Variants in UNC13C observed in about 807,000 individuals in gnomAD.
UNC13C encodes protein unc-13 homolog C.
A neutral mutation model predicts 245.4 loss-of-function variants in UNC13C; 174 were observed. The ratio of observed to expected loss-of-function variants is 0.71; its 90% CI spans 0.63 to 0.80. UNC13C has a LOEUF of 0.80. UNC13C is among the 30% of genes least tolerant of loss of function. The pLI, the probability that UNC13C is intolerant of heterozygous loss-of-function variation, is 0.00. For missense variants in UNC13C, 2,829 were observed against 2,602.9 expected, an observed-to-expected ratio of 1.09 and a Z score of -1.89; for synonymous variants, 992 against 895.1, an observed-to-expected ratio of 1.11 and a Z score of -1.93.
intron 23 of UNC13C, among the ~76,000 whole-genome samples, chr15:54,510,586 ATTGT>A (rs954026356): frequency 3.3e-5 from 5 of 151,808 alleles, no homozygotes; most frequent in African/African-American, 1.2e-4. Flanking sequence ...GAATTATTAA[ATTGT>A]TTGCATAAAT....
At chr15:53,850,664 C>T in the UNC13C span, among the ~76,000 whole-genome samples, 1 of 151,968 alleles carries the variant, frequency 6.6e-6, no homozygotes, top group South Asian at 2.1e-4. Flanking sequence ...GTGTGATTTT[C>T]TTTATGTTAA....
intron 4 of UNC13C, among the ~76,000 whole-genome samples, chr15:54,215,846 G>T (rs74567560): frequency 0.012 from 1,786 of 152,044 alleles, 38 homozygotes; most frequent in African/African-American, 0.042. Flanking sequence ...GAAAAGCACT[G>T]CCAGACTAGT....
intron 8 of UNC13C, among the ~76,000 whole-genome samples, chr15:54,255,760 C>G (rs1223583172): frequency 2.0e-5 from 3 of 152,128 alleles, no homozygotes; most frequent in Non-Finnish European, 4.4e-5. Context: ...AGGCGTGGAG[C>G]CCTAGCCAGA....
At chr15:53,891,312 T>G in the UNC13C span, among the ~76,000 whole-genome samples, 1 of 152,184 alleles carries the variant, frequency 6.6e-6, no homozygotes, top group African/African-American at 2.4e-5. Context: ...ACAAGTGCGA[T>G]GAGGTGCTGA....
intron 19 of UNC13C, among the ~76,000 whole-genome samples, chr15:54,485,120 G>A (rs1893337192): frequency 6.6e-6 from 1 of 152,064 alleles, no homozygotes; most frequent in Non-Finnish European, 1.5e-5. Context: ...TTCCCCATTG[G>A]AAGCTATAAA....
intron 2 of UNC13C, chr15:54,050,173 T>C: frequency 2.1e-6 from 1 of 465,738 alleles, no homozygotes; most frequent in Admixed American, 2.2e-5. Context: ...GGTTTCACCA[T>C]GTTGGCCAGG....
Position 54,336,781 on chromosome 15 carries a change from C to T in UNC13C, c.4585-1580C>T, listed in dbSNP as rs2141002424. Among the ~76,000 whole-genome samples, 4 of 152,140 alleles carry T rather than the reference C, an allele frequency of 2.6e-5. 1 individual carries two copies. In the South Asian group the frequency reaches 8.3e-4, roughly 32 times the overall value. ...ATATTATTGTAAAAAATTAAATTGA[C>T]CATATATGTATGGGTCTATTTCTGA... On this transcript the variant is annotated intron_variant, in intron 16 of 32. Coordinates refer to ENST00000260323, the MANE Select transcript of UNC13C (RefSeq NM_001080534.3).
intron 19 of UNC13C, among the ~76,000 whole-genome samples, chr15:54,448,054 G>T (rs1364407891): frequency 2.0e-5 from 3 of 152,160 alleles, no homozygotes; most frequent in African/African-American, 7.2e-5. Context: ...TCAGGAGCAG[G>T]TTGTTCAGTT....
chr15:54,127,804 AATAT>A (rs35123031), intron 2 of UNC13C, among the ~76,000 whole-genome samples: 24 of 146,220 alleles, frequency 1.6e-4, no homozygotes, highest in Admixed American at 1.5e-3. Flanking sequence ...TATAATATTT[AATAT>A]ATATATATTT....
intron 7 of UNC13C, among the ~76,000 whole-genome samples, chr15:54,246,622 A>G (rs1052060135): frequency 6.6e-6 from 1 of 152,122 alleles, no homozygotes; most frequent in Non-Finnish European, 1.5e-5. Flanking sequence ...TTTAGAAAAT[A>G]CATTTTTATT....
chr15:53,872,093 A>G, the UNC13C span, among the ~76,000 whole-genome samples: 2 of 152,124 alleles, frequency 1.3e-5, no homozygotes, highest in Non-Finnish European at 2.9e-5. Flanking sequence ...TCATTTTCAC[A>G]TTTCTGGACT....
At chr15:54,320,971 C>T (rs2038139581) in intron 13 of UNC13C, 1 of 409,486 alleles carries the variant, frequency 2.4e-6, no homozygotes, top group South Asian at 1.9e-5. Flanking sequence ...TCCCCACTGC[C>T]ACCATATCCA....
At chr15:53,949,159 C>T in the UNC13C span, among the ~76,000 whole-genome samples, 1 of 152,174 alleles carries the variant, frequency 6.6e-6, no homozygotes, top group Non-Finnish European at 1.5e-5. Flanking sequence ...TTATTAAGAA[C>T]TTACCAATAT....
At position 54,555,464 on chromosome 15, in the gene UNC13C, G is replaced by A; in HGVS notation, c.5910G>A (p.Leu1970=). 6.2e-7 allele frequency: 1 copy of A among 1,612,338 alleles called. No homozygotes were observed. The highest frequency in any genetic ancestry group is 8.5e-7 in the Non-Finnish European group (1 of 1,179,032). Residue 1970 remains leucine, a synonymous_variant, in exon 29 of 33, where the codon CTG becomes CTA. Transcript: ENST00000260323. ...EHMIREDARG[L]TPRQCAIMEV... ...TGATTCGAGAGGATGCCAGGGGTCT[G>A]ACGCCAAGACAATGCGCTATAATGG...
intron 10 of UNC13C, among the ~76,000 whole-genome samples, chr15:54,283,310 C>CAT (rs2037047741): frequency 6.6e-6 from 1 of 151,926 alleles, no homozygotes; most frequent in Non-Finnish European, 1.5e-5. Flanking sequence ...TATATCCAAT[C>CAT]ATATATATAC....
the UNC13C span, among the ~76,000 whole-genome samples, chr15:53,902,026 C>G: frequency 6.7e-6 from 1 of 149,260 alleles, no homozygotes; most frequent in Non-Finnish European, 1.5e-5. Flanking sequence ...AATACCACCA[C>G]ATGTGCATTA....
At chr15:54,108,338 C>T (rs899483315) in intron 2 of UNC13C, among the ~76,000 whole-genome samples, 8 of 152,150 alleles carry the variant, frequency 5.3e-5, no homozygotes, top group African/African-American at 1.9e-4. Context: ...AGGCGCCCGC[C>T]ACCACGCCTG....
intron 32 of UNC13C, 68 bp downstream of exon 32, chr15:54,624,022 G>C (rs1214586206): frequency 1.8e-5 from 29 of 1,581,806 alleles, no homozygotes; most frequent in Non-Finnish European, 2.3e-5. Flanking sequence ...CTTACTGAGG[G>C]ATTTGGAGTG....
chr15:54,145,104 A>G (rs1417191903), intron 4 of UNC13C, among the ~76,000 whole-genome samples: 1 of 151,864 alleles, frequency 6.6e-6, no homozygotes, highest in African/African-American at 2.4e-5. Context: ...TAATTTAAAT[A>G]TATATACATA....
Sources: allele counts gnomAD v4.1 joint callset (sites outside exome capture counted in the v4.1 genomes callset), GRCh38; gene constraint gnomAD v4.1.1; transcripts MANE v1.5; gene names NCBI Gene and HGNC (gene_info 2026-07-23, HGNC 2026-07-21).